Variants in ECPAS observed in about 807,000 individuals in gnomAD.
The protein encoded by ECPAS is Ecm29 proteasome adaptor and scaffold.
Under a neutral mutation model 255.1 loss-of-function variants are expected in ECPAS, and 70 were observed. That is an observed-to-expected ratio of 0.27 (90% confidence interval 0.23 to 0.33). The LOEUF (loss-of-function observed/expected upper bound fraction) is 0.33, where lower values mean the gene tolerates loss of function less well. Among genes scored for constraint, ECPAS ranks in the 10% least tolerant of loss-of-function variants. ECPAS has a pLI of 1.00. For synonymous variants in ECPAS, 784 were observed against 775.0 expected, an observed-to-expected ratio of 1.01 and a Z score of -0.19; for missense variants, 1,817 against 2,206.4, an observed-to-expected ratio of 0.82 and a Z score of 3.54.
chr9:111,371,695 G>C lies in ECPAS; in HGVS notation c.4663C>G (p.Leu1555Val). ...MASIAKQTSS[L>V]VPPYLGMILT... ...ATCATTCCGAGATATGGAGGTACTA[G>C]AGAGCTAGTCTGTTTTGCAATTGAT... The change falls in exon 43 of 50, where the codon CTA (leucine) becomes GTA (valine). Residue 1555 changes from leucine (L) to valine (V), a missense_variant. Physicochemically the swap from Leu to Val is conservative, Grantham distance 32. Around this residue, in one of 4 missense-constraint regions of ECPAS, gnomAD observed 960 missense variants for 1,179.0 expected, o/e 0.81. Transcript: ENST00000684092. 1 of 1,613,898 alleles carries C rather than the reference G, an allele frequency of 6.2e-7. No homozygotes were observed. The highest frequency in any genetic ancestry group is 8.5e-7 in the Non-Finnish European group (1 of 1,179,820).
At chr9:111,433,811 AT>A in intron 7 of ECPAS, among the ~76,000 whole-genome samples, 1 of 152,212 alleles carries the variant, frequency 6.6e-6, no homozygotes, top group Non-Finnish European at 1.5e-5. Context: ...TGCTCCATGG[AT>A]TTTTCTGACA....
rs1325184035 is a variant in ECPAS, at chr9:111,361,420, G to T, written c.*610C>A. On this transcript the variant is annotated 3_prime_UTR_variant, in exon 50 of 50. Coordinates refer to ENST00000684092, the MANE Select transcript of ECPAS (RefSeq NM_001364929.1). ...TGGCTTTCAGAAACCCAATGGTAAG[G>T]GTCAGTTTAGTTCTGGCACAAAGAC... 6.6e-6 allele frequency: 1 copy of T among 152,174 alleles called. No homozygotes were observed. Among genetic ancestry groups the T allele is most frequent in the Non-Finnish European group, 1.5e-5 (1 of 68,048 alleles). 9.4% of individuals were successfully genotyped at this position (152,174 alleles called of 1,614,324 possible).
At chr9:111,436,822 C>A in intron 7 of ECPAS, 118 bp downstream of exon 7, 1 of 899,734 alleles carries the variant, frequency 1.1e-6, no homozygotes, top group Non-Finnish European at 1.6e-6. Context: ...CTGCTTCTTT[C>A]AAACATATTT....
chr9:111,384,478 G>C (rs781257086), intron 34 of ECPAS, 44 bp downstream of exon 34: 8 of 1,557,014 alleles, frequency 5.1e-6, no homozygotes, highest in Non-Finnish European at 7.1e-6. Flanking sequence ...TGGTCACCCA[G>C]AACCCTGCTC....
Position 111,390,019 on chromosome 9 carries a change from A to C in ECPAS, c.3244T>G (p.Leu1082Val). The C allele has an allele frequency of 6.2e-7, 1 of 1,600,428 alleles. No homozygotes were observed. The highest frequency in any genetic ancestry group is 1.1e-5 in the South Asian group (1 of 89,804). The change falls in exon 30 of 50, where the codon TTA (leucine) becomes GTA (valine). Residue 1082 changes from leucine to valine, a missense_variant. Physicochemically the swap from Leu to Val is conservative, Grantham distance 32. Coordinates refer to ENST00000684092, the MANE Select transcript of ECPAS (RefSeq NM_001364929.1). The part of the protein sequence containing the change: ...QPDLVYKFMN[L>V]ANHHAMWNSR... ...TTCCACATTGCATGATGGTTGGCTA[A>C]ATTCATAAATTTATACACCAGATCT...
intron 2 of ECPAS, among the ~76,000 whole-genome samples, chr9:111,463,570 A>T (rs867249208): frequency 1.2e-4 from 19 of 152,366 alleles, no homozygotes; most frequent in Middle Eastern, 3.4e-3. Flanking sequence ...GAGTGGCTCA[A>T]TCAGATTTCA....
At position 111,458,323 on chromosome 9, in the gene ECPAS, C is replaced by T. The variant is rs10759497; in HGVS notation, c.23-6768G>A. The stretch of plus-strand genomic sequence containing the variant: ...GTGAAACATTATATAATGTTATATA[C>T]GGCTATCATATTACAGATGTAGCTT... On this transcript the variant is annotated intron_variant, in intron 2 of 49. Coordinates refer to ENST00000684092, the MANE Select transcript of ECPAS (RefSeq NM_001364929.1). 0.6 allele frequency among the ~76,000 whole-genome samples: 90,486 copies of T among 152,022 alleles called. 27,326 individuals are homozygous for T. The highest frequency in any genetic ancestry group is 0.63 in the African/African-American group (26,196 of 41,464).
At chr9:111,480,821 A>C (rs772080437) in intron 1 of ECPAS, among the ~76,000 whole-genome samples, 12 of 152,356 alleles carry the variant, frequency 7.9e-5, no homozygotes, top group East Asian at 1.9e-4. Context: ...AACAAGAAGA[A>C]GGCAAGGATT....
chr9:111,465,989 T>C (rs897540463), intron 2 of ECPAS, among the ~76,000 whole-genome samples: 1 of 151,540 alleles, frequency 6.6e-6, no homozygotes, highest in Admixed American at 6.6e-5. Flanking sequence ...AGCTAGATCA[T>C]GCCTCTGCAC....
intron 4 of ECPAS, among the ~76,000 whole-genome samples, chr9:111,442,678 A>G (rs534483215): frequency 1.3e-5 from 2 of 152,334 alleles, no homozygotes; most frequent in South Asian, 2.1e-4. Context: ...AAGCATTCAT[A>G]TATGCAATTT....
intron 10 of ECPAS, 41 bp downstream of exon 10, chr9:111,428,001 A>G (rs2098224281): frequency 6.3e-7 from 1 of 1,587,800 alleles, no homozygotes; most frequent in African/African-American, 1.3e-5. Context: ...TAGACATAAA[A>G]GTTGCAGACA....
At chr9:111,466,656 C>CACA (rs1554802518) in intron 2 of ECPAS, among the ~76,000 whole-genome samples, 1 of 147,128 alleles carries the variant, frequency 6.8e-6, no homozygotes, top group African/African-American at 2.5e-5. Flanking sequence ...CACACACACA[C>CACA]GTTTTTATTT....
chr9:111,414,398 A>G, intron 19 of ECPAS, 31 bp downstream of exon 19: 1 of 1,570,274 alleles, frequency 6.4e-7, no homozygotes, highest in African/African-American at 1.3e-5. Context: ...TAAGTGCTTC[A>G]GTATCTTTCC....
At chr9:111,444,593 G>A (rs952381112) in intron 3 of ECPAS, 99 bp from the exon 4 acceptor site, 4 of 758,982 alleles carry the variant, frequency 5.3e-6, no homozygotes, top group Admixed American at 2.6e-5. Flanking sequence ...TTAGTGAATA[G>A]TAGCTACTTT....
chr9:111,366,482 G>A, intron 47 of ECPAS, 40 bp downstream of exon 47: 9 of 1,467,014 alleles, frequency 6.1e-6, no homozygotes, highest in Non-Finnish European at 8.6e-6. Context: ...AATGCTGCGG[G>A]GAGGAACAAA....
intron 41 of ECPAS, among the ~76,000 whole-genome samples, 179 bp from the exon 42 acceptor site, chr9:111,372,799 A>T (rs965275722): frequency 1.3e-5 from 2 of 152,212 alleles, no homozygotes; most frequent in African/African-American, 4.8e-5. Flanking sequence ...TGAGAGGCCA[A>T]GGTGAGCAGA....
chr9:111,425,386 T>C, intron 12 of ECPAS, 32 bp downstream of exon 12: 2 of 1,358,070 alleles, frequency 1.5e-6, no homozygotes, highest in Non-Finnish European at 2.0e-6. Context: ...AGATATAAAA[T>C]GTTGATAAAA....
In ECPAS at chr9:111,375,001, G is replaced by A. The variant is rs1215006061; in HGVS notation, c.4110+112C>T. The A allele has an allele frequency of 4.3e-5, 33 of 768,654 alleles. No homozygotes were observed. The Admixed American group carries it at 6.8e-4, about 16-fold the overall frequency. 47.6% of individuals were successfully genotyped at this position (768,654 alleles called of 1,614,324 possible). On this transcript the variant is annotated intron_variant, in intron 38 of 49. Coordinates refer to ENST00000684092, the MANE Select transcript of ECPAS (RefSeq NM_001364929.1). ...CAACCACAGAAATAAAATGGTTAGT[G>A]TATAATATTAGATTTTGTGGTAAAA... is the stretch of plus-strand genomic sequence containing the variant.
At chr9:111,435,263 A>T (rs989833648) in intron 7 of ECPAS, among the ~76,000 whole-genome samples, 3 of 152,172 alleles carry the variant, frequency 2.0e-5, no homozygotes, top group Non-Finnish European at 4.4e-5. Flanking sequence ...ATAATTGGAA[A>T]AAACATGTTT....
Sources: allele counts gnomAD v4.1 joint callset (sites outside exome capture counted in the v4.1 genomes callset), GRCh38; gene constraint gnomAD v4.1.1; regional missense constraint gnomAD v4.1.1; transcripts MANE v1.5; gene names NCBI Gene and HGNC (gene_info 2026-07-23, HGNC 2026-07-21).